TLL1: variants seen among roughly 807,000 people sequenced by gnomAD.
TLL1 encodes tolloid like 1, also known as tolloid-like protein 1.
A neutral mutation model predicts 128.2 loss-of-function variants in TLL1; 49 were observed. That is an observed-to-expected ratio of 0.38 (90% CI 0.30 to 0.48). The LOEUF (loss-of-function observed/expected upper bound fraction) is 0.48. TLL1 is among the 20% of genes least tolerant of loss of function. The pLI, the probability that TLL1 is intolerant of heterozygous loss-of-function variation, is 0.96. For synonymous variants in TLL1, 454 were observed against 418.8 expected, an observed-to-expected ratio of 1.08 and a Z score of -1.03; for missense variants, 1,123 against 1,242.0, an observed-to-expected ratio of 0.90 and a Z score of 1.44.
chr4:165,873,686 A>T lies in TLL1; in HGVS notation c.-219A>T, dbSNP rs941311028. On this transcript the variant is annotated 5_prime_UTR_variant, in exon 1 of 21. Coordinates refer to ENST00000061240, the MANE Select transcript of TLL1 (RefSeq NM_012464.5). ...GCCCTCCGCCCACCCGTGGGCCCCT[A>T]GCCAACTTCTCCCTGCGACTGGGGG... is the stretch of plus-strand genomic sequence containing the variant. 5 of 536,750 alleles carry T rather than the reference A, an allele frequency of 9.3e-6. No homozygotes were observed. Among genetic ancestry groups the T allele is most frequent in the Non-Finnish European group, 1.3e-5 (4 of 300,514 alleles). 33.2% of individuals were successfully genotyped at this position (536,750 alleles called of 1,614,324 possible). A position where few individuals can be genotyped will look rare whatever the true frequency, so the allele number is the denominator to read the frequency against.
chr4:166,068,058 A>G (rs1247374065), intron 16 of TLL1, among the ~76,000 whole-genome samples: 1 of 151,812 alleles, frequency 6.6e-6, no homozygotes, highest in Non-Finnish European at 1.5e-5. Context: ...ATTATTATTA[A>G]GTATAAATTT....
chr4:166,020,722 T>G (rs180703780), intron 8 of TLL1, among the ~76,000 whole-genome samples: 1 of 152,334 alleles, frequency 6.6e-6, no homozygotes, highest in African/African-American at 2.4e-5. Flanking sequence ...CTGTTTAGTA[T>G]TTAGACCAAC....
At chr4:165,958,617 T>C (rs1166472968) in intron 1 of TLL1, among the ~76,000 whole-genome samples, 54 of 145,188 alleles carry the variant, frequency 3.7e-4, no homozygotes, top group Admixed American at 6.1e-4. Flanking sequence ...ATTAGCCCTT[T>C]GTCAGATGAG....
At chr4:165,994,305 C>G (rs1420018249) in intron 3 of TLL1, 76 bp from the exon 4 acceptor site, 10 of 1,565,934 alleles carry the variant, frequency 6.4e-6, no homozygotes, top group Non-Finnish European at 8.8e-6. Flanking sequence ...GACATTTTAA[C>G]TTTTGTCCTT....
chr4:165,888,048 C>T (rs1731242616), intron 1 of TLL1, among the ~76,000 whole-genome samples: 1 of 152,054 alleles, frequency 6.6e-6, no homozygotes, highest in African/African-American at 2.4e-5. Flanking sequence ...TATGTATATT[C>T]TTCATATAGG....
chr4:165,903,690 C>T (rs1732112094), intron 1 of TLL1, among the ~76,000 whole-genome samples: 2 of 151,176 alleles, frequency 1.3e-5, no homozygotes, highest in South Asian at 4.2e-4. Flanking sequence ...GGATTACCGT[C>T]GTAAGCCACT....
At chr4:166,064,647 A>G (rs1291893597) in intron 15 of TLL1, among the ~76,000 whole-genome samples, 2 of 152,154 alleles carry the variant, frequency 1.3e-5, no homozygotes, top group Admixed American at 6.6e-5. Context: ...GGTTAGGCTT[A>G]AAACATCATT....
At chr4:166,050,219 T>C (rs2111103969) in intron 12 of TLL1, among the ~76,000 whole-genome samples, 1 of 152,060 alleles carries the variant, frequency 6.6e-6, no homozygotes, top group Admixed American at 6.6e-5. Flanking sequence ...CTCCTTCCCC[T>C]AATTCCTTAT....
At chr4:166,075,989 T>C (rs549814741) in intron 17 of TLL1, among the ~76,000 whole-genome samples, 35 of 152,200 alleles carry the variant, frequency 2.3e-4, no homozygotes, top group Non-Finnish European at 4.0e-4. Context: ...ATAAGCATAA[T>C]ATCCATAACT....
At chr4:165,881,813 C>T (rs1002781034) in intron 1 of TLL1, among the ~76,000 whole-genome samples, 1 of 152,158 alleles carries the variant, frequency 6.6e-6, no homozygotes, top group Non-Finnish European at 1.5e-5. Flanking sequence ...AGCAGGCTTT[C>T]CATGTCCATT....
chr4:165,912,502 C>G (rs928098651), intron 1 of TLL1, among the ~76,000 whole-genome samples: 1 of 152,214 alleles, frequency 6.6e-6, no homozygotes, highest in Non-Finnish European at 1.5e-5. Flanking sequence ...GGAGAAATTT[C>G]TTAAAATTAA....
chr4:165,912,237 C>T (rs1394223445), intron 1 of TLL1, among the ~76,000 whole-genome samples: 1 of 152,086 alleles, frequency 6.6e-6, no homozygotes, highest in African/African-American at 2.4e-5. Context: ...AATCTAGGGA[C>T]CCATACACCT....
rs543149197 is a variant in TLL1, at chr4:166,077,961, A to G, written c.2373A>G (p.Pro791=). The G allele has an allele frequency of 3.7e-6, 6 of 1,613,740 alleles. No homozygotes were observed. Among genetic ancestry groups the G allele is most frequent in the Non-Finnish European group, 5.1e-6 (6 of 1,179,786 alleles). The change falls in exon 18 of 21, where the codon CCA becomes CCG. Residue 791 remains proline, a synonymous_variant. Transcript: ENST00000061240. ...GCCTCATCACCAGTCCCAACTGGCC[A>G]GACAAGTACCCAAGCAGGAAAGAAT... is the stretch of plus-strand genomic sequence containing the variant. ...PSGLITSPNW[P]DKYPSRKECT...
intron 1 of TLL1, among the ~76,000 whole-genome samples, chr4:165,965,732 C>G (rs1056023533): frequency 5.3e-5 from 8 of 152,100 alleles, no homozygotes; most frequent in African/African-American, 1.9e-4. Flanking sequence ...GAATGTTAAC[C>G]ACTATTTACA....
rs181884176 is a variant in TLL1, at chr4:165,947,992, C to T, written c.170-41389C>T. Among the ~76,000 whole-genome samples, 36 of 152,260 alleles carry T rather than the reference C, an allele frequency of 2.4e-4. 1 individual carries two copies. Among genetic ancestry groups the T allele is most frequent in the Admixed American group, 1.3e-3 (20 of 15,284 alleles). On this transcript the variant is annotated intron_variant, in intron 1 of 20. Coordinates refer to ENST00000061240, the MANE Select transcript of TLL1 (RefSeq NM_012464.5). ...CTGATGAAACTCTTAGCTGCCAACA[C>T]GTGCTACCTTGCAGGAAAAAAGTTG...
intron 1 of TLL1, among the ~76,000 whole-genome samples, chr4:165,922,501 T>G (rs1733081913): frequency 6.6e-6 from 1 of 152,214 alleles, no homozygotes; most frequent in African/African-American, 2.4e-5. Flanking sequence ...CATGTCTCTT[T>G]GTTCTTCCTT....
At chr4:165,890,477 C>T (rs1389346871) in intron 1 of TLL1, among the ~76,000 whole-genome samples, 1 of 152,324 alleles carries the variant, frequency 6.6e-6, no homozygotes. Flanking sequence ...ATGGTGAGGG[C>T]TCAGGCATTG....
At chr4:166,080,066 T>C (rs1320752982) in intron 18 of TLL1, among the ~76,000 whole-genome samples, 1 of 152,146 alleles carries the variant, frequency 6.6e-6, no homozygotes, top group Non-Finnish European at 1.5e-5. Context: ...ATGGCTTAAA[T>C]GACAGAAATT....
intron 8 of TLL1, among the ~76,000 whole-genome samples, chr4:166,015,096 A>G (rs1737874577): frequency 6.6e-6 from 1 of 152,020 alleles, no homozygotes; most frequent in Non-Finnish European, 1.5e-5. Context: ...TCAAAAGCAG[A>G]TTCATGAAAC....
Sources: allele counts gnomAD v4.1 joint callset (sites outside exome capture counted in the v4.1 genomes callset), GRCh38; gene constraint gnomAD v4.1.1; transcripts MANE v1.5; gene names NCBI Gene and HGNC (gene_info 2026-07-23, HGNC 2026-07-21).